TENT5C: variants seen among roughly 807,000 people sequenced by gnomAD.
TENT5C encodes family with sequence similarity 46 member C.
In TENT5C, 5 loss-of-function variants were observed where a neutral mutation model predicts 22.2. The observed-to-expected ratio is 0.22, with a 90% CI of 0.12 to 0.47. The LOEUF (loss-of-function observed/expected upper bound fraction) is 0.47, where lower values mean the gene tolerates loss of function less well. Among genes scored for constraint, TENT5C ranks in the 20% least tolerant of loss-of-function variants. The pLI is 0.99. For missense variants in TENT5C, 364 were observed against 500.9 expected, an observed-to-expected ratio of 0.73 and a Z score of 2.61; for synonymous variants, 199 against 195.4, an observed-to-expected ratio of 1.02 and a Z score of -0.15.
Position 117,624,213 on chromosome 1 carries a change from G to A in TENT5C, c.*169G>A, listed in dbSNP as rs1185954686. On this transcript the variant is annotated 3_prime_UTR_variant, in exon 2 of 2. Transcript: ENST00000369448. The stretch of plus-strand genomic sequence containing the variant: ...GTACCCATTGGAATGGGTCTACAGT[G>A]TATCATGAGCCAACCCTCAAAGGAC... The A allele has an allele frequency of 1.6e-6, 1 of 620,054 alleles. No homozygotes were observed. Among genetic ancestry groups the A allele is most frequent in the Non-Finnish European group, 2.8e-6 (1 of 360,320 alleles). The allele number at this position is 620,054 out of a possible 1,614,324, so 38.4% of individuals were successfully genotyped here.
Position 117,626,824 on chromosome 1 carries a change from CT to C in TENT5C, c.*2785del, listed in dbSNP as rs571835047. The C allele has an allele frequency of 4.0e-6, 1 of 247,752 alleles. No homozygotes were observed. The highest frequency in any genetic ancestry group is 5.6e-5 in the Admixed American group (1 of 17,804). 15.3% of individuals were successfully genotyped at this position (247,752 alleles called of 1,614,324 possible). On this transcript the variant is annotated 3_prime_UTR_variant, in exon 2 of 2. Transcript: ENST00000369448. Reference sequence around the variant, plus strand: ...TTTGTTTCGGGACTCTGATTTGACTCTTTTTCTGATGCTTTCGGCATGTCTG... The same window carrying C: ...TTTGTTTCGGGACTCTGATTTGACTCTTTTCTGATGCTTTCGGCATGTCTG...
Position 117,624,355 on chromosome 1 carries a change from T to G in TENT5C, c.*311T>G, listed in dbSNP as rs907917860. The G allele has an allele frequency of 2.8e-6, 1 of 351,682 alleles. No homozygotes were observed. Among genetic ancestry groups the G allele is most frequent in the Non-Finnish European group, 5.4e-6 (1 of 184,928 alleles). The allele number at this position is 351,682 out of a possible 1,614,324, so 21.8% of individuals were successfully genotyped here. A position where few individuals can be genotyped will look rare whatever the true frequency, so the allele number is the denominator to read the frequency against. ...ATTAGCACGTGGGGGTTGAGCTCTG[T>G]GCAGTAATCGAGATTGGGAGAATTT... is the stretch of plus-strand genomic sequence containing the variant. On this transcript the variant is annotated 3_prime_UTR_variant, in exon 2 of 2. Coordinates refer to ENST00000369448, the MANE Select transcript of TENT5C (RefSeq NM_017709.4).
intron 1 of TENT5C, among the ~76,000 whole-genome samples, chr1:117,619,104 A>G (rs1653842619): frequency 6.6e-6 from 1 of 152,240 alleles, no homozygotes; most frequent in African/African-American, 2.4e-5. Context: ...AGCTTTATAA[A>G]TAATTCTCCA....
chr1:117,609,218 CA>C, intron 1 of TENT5C, among the ~76,000 whole-genome samples: 1 of 152,146 alleles, frequency 6.6e-6, no homozygotes, highest in Non-Finnish European at 1.5e-5. Context: ...GCTTTCATTG[CA>C]GGCCGCATAA....
intron 1 of TENT5C, among the ~76,000 whole-genome samples, chr1:117,607,189 C>T (rs1197708903): frequency 2.0e-5 from 3 of 152,140 alleles, no homozygotes; most frequent in Admixed American, 6.5e-5. Flanking sequence ...GGGCGCTCCC[C>T]TGGAGAAATG....
intron 1 of TENT5C, among the ~76,000 whole-genome samples, chr1:117,612,083 T>C (rs1653681087): frequency 6.6e-6 from 1 of 152,210 alleles, no homozygotes; most frequent in South Asian, 2.1e-4. Flanking sequence ...ATTCTGCATG[T>C]GTGGGAGGCA....
Position 117,623,561 on chromosome 1 carries a change from C to T in TENT5C, c.693C>T (p.Ile231=), listed in dbSNP as rs765301985. The T allele has an allele frequency of 1.8e-5, 29 of 1,613,906 alleles. No homozygotes were observed. Among genetic ancestry groups the T allele is most frequent in the East Asian group, 1.6e-4 (7 of 44,868 alleles). Residue 231 remains isoleucine, a synonymous_variant, in exon 2 of 2, where the codon ATC becomes ATT. Coordinates refer to ENST00000369448, the MANE Select transcript of TENT5C (RefSeq NM_017709.4). ...EAFDHLQNRL[I]ATKNPEEIRG... is the part of the protein sequence containing the mutation. ...TTGACCATCTGCAGAACAGACTGAT[C>T]GCCACCAAGAACCCAGAAGAAATCA...
intron 1 of TENT5C, among the ~76,000 whole-genome samples, chr1:117,613,319 G>A (rs888778265): frequency 4.6e-5 from 7 of 152,166 alleles, no homozygotes; most frequent in African/African-American, 1.4e-4. Flanking sequence ...TTGCAACCAC[G>A]TCAGAGTATA....
rs570118805 is a variant in TENT5C, at chr1:117,624,256, G to A, written c.*212G>A. 18 of 548,986 alleles carry A rather than the reference G, an allele frequency of 3.3e-5. No individual in the cohort carries two copies. In the East Asian group the frequency reaches 4.1e-4, roughly 12 times the overall value. The allele number at this position is 548,986 out of a possible 1,614,324, so 34.0% of individuals were successfully genotyped here. On this transcript the variant is annotated 3_prime_UTR_variant, in exon 2 of 2. Transcript: ENST00000369448. The stretch of plus-strand genomic sequence containing the variant: ...CAAAGGACCCGTATTACAGTGCCAC[G>A]TTGGAAAACGCTACAGGAAGCATGA...
intron 1 of TENT5C, among the ~76,000 whole-genome samples, chr1:117,615,409 T>C (rs1190033267): frequency 6.6e-6 from 1 of 152,220 alleles, no homozygotes; most frequent in Non-Finnish European, 1.5e-5. Context: ...TTCCCATCTG[T>C]AAGTGGGGGA....
intron 1 of TENT5C, among the ~76,000 whole-genome samples, chr1:117,612,347 CTT>C (rs373447232): frequency 2.1e-5 from 3 of 145,272 alleles, no homozygotes; most frequent in Admixed American, 6.8e-5. Flanking sequence ...GGTGCTCATT[CTT>C]TTTTTTTTTT....
chr1:117,607,035 T>C (rs1366848101), intron 1 of TENT5C, among the ~76,000 whole-genome samples: 1 of 152,194 alleles, frequency 6.6e-6, no homozygotes, highest in Non-Finnish European at 1.5e-5. Context: ...GGGACTCCCT[T>C]CGCACTGGTC....
intron 1 of TENT5C, among the ~76,000 whole-genome samples, chr1:117,621,294 G>T (rs1475920382): frequency 1.3e-5 from 2 of 152,152 alleles, no homozygotes; most frequent in African/African-American, 4.8e-5. Context: ...AGCTCATGTT[G>T]TCTTTCTGTT....
In TENT5C at chr1:117,616,582, A is replaced by G. The variant is rs139355282; in HGVS notation, c.-27-6260A>G. Reference sequence around the variant, plus strand: ...ACAGGTGTCTTTGTTCCAGGTACACACTTCTCTTGGAGTCTGTCACCAGGC... The same window carrying G: ...ACAGGTGTCTTTGTTCCAGGTACACGCTTCTCTTGGAGTCTGTCACCAGGC... On this transcript the variant is annotated intron_variant, in intron 1 of 1. Transcript: ENST00000369448. Among the ~76,000 whole-genome samples the G allele has an allele frequency of 1.5e-3, 227 of 152,258 alleles. 1 individual carries two copies. Among genetic ancestry groups the G allele is most frequent in the African/African-American group, 5.0e-3 (207 of 41,542 alleles).
intron 1 of TENT5C, among the ~76,000 whole-genome samples, chr1:117,618,138 A>G (rs1393807281): frequency 1.3e-5 from 2 of 152,182 alleles, no homozygotes; most frequent in African/African-American, 4.8e-5. Context: ...TTTCCCCTAG[A>G]ATTTAACTCC....
At chr1:117,621,251 C>A (rs1321362211) in intron 1 of TENT5C, among the ~76,000 whole-genome samples, 1 of 152,148 alleles carries the variant, frequency 6.6e-6, no homozygotes, top group Non-Finnish European at 1.5e-5. Flanking sequence ...ACATACTCAG[C>A]CCGCTGCTTT....
In TENT5C at chr1:117,627,668, G is replaced by A; in HGVS notation, c.*3624G>A. 4.0e-6 allele frequency: 1 copy of A among 248,080 alleles called. No individual in the cohort carries two copies. Among genetic ancestry groups the A allele is most frequent in the Non-Finnish European group, 8.5e-6 (1 of 118,118 alleles). The allele number at this position is 248,080 out of a possible 1,614,324, so 15.4% of individuals were successfully genotyped here. A position where few individuals can be genotyped will look rare whatever the true frequency, so the allele number is the denominator to read the frequency against. On this transcript the variant is annotated 3_prime_UTR_variant, in exon 2 of 2. Transcript: ENST00000369448. Reference sequence around the variant, plus strand: ...AGGTTAGATTCACATCCTTAATCTTGCAGAGACTAGAATTTCACAGCTCGC... The same window carrying A: ...AGGTTAGATTCACATCCTTAATCTTACAGAGACTAGAATTTCACAGCTCGC...
Position 117,623,646 on chromosome 1 carries a change from C to G in TENT5C, c.778C>G (p.Gln260Glu). The G allele has an allele frequency of 6.2e-7, 1 of 1,613,942 alleles. No homozygotes were observed. Among genetic ancestry groups the G allele is most frequent in the Non-Finnish European group, 8.5e-7 (1 of 1,179,990 alleles). ...LLVRDFRPTDQEEIKTLERYM... is the reference protein window; with the variant it reads ...LLVRDFRPTDEEEIKTLERYM... The stretch of plus-strand genomic sequence containing the variant: ...TGTGCGGGACTTCAGGCCCACAGAC[C>G]AGGAAGAAATCAAAACTCTAGAGCG... Residue 260 changes from glutamine (Q) to glutamate (E), a missense_variant, in exon 2 of 2, where the codon CAG (glutamine) becomes GAG (glutamate). By Grantham distance (29) the Gln-to-Glu change is conservative. Coordinates refer to ENST00000369448, the MANE Select transcript of TENT5C (RefSeq NM_017709.4).
At chr1:117,621,584 G>A (rs1653896163) in intron 1 of TENT5C, among the ~76,000 whole-genome samples, 1 of 152,134 alleles carries the variant, frequency 6.6e-6, no homozygotes, top group Non-Finnish European at 1.5e-5. Flanking sequence ...TGGAACCCCA[G>A]GAGAATGCAT....
Sources: gnomAD v4.1 joint callset for allele counts (sites outside exome capture counted in the v4.1 genomes callset) on GRCh38, gnomAD v4.1.1 for gene constraint, MANE v1.5 for transcripts, NCBI Gene and HGNC (gene_info 2026-07-23, HGNC 2026-07-21) for gene names.